TMEM132D: variants seen among roughly 807,000 people sequenced by gnomAD.
TMEM132D encodes the protein mature OL transmembrane protein.
Under a neutral mutation model 62.3 loss-of-function variants are expected in TMEM132D, and 21 were observed. The observed-to-expected ratio is 0.34, with a 90% CI of 0.24 to 0.49. The LOEUF (loss-of-function observed/expected upper bound fraction) is 0.49, where lower values mean the gene tolerates loss of function less well. Ranked by LOEUF, TMEM132D falls within the 20% of genes least tolerant of loss-of-function variation. The pLI, the probability that TMEM132D is intolerant of heterozygous loss-of-function variation, is 0.99. For synonymous variants in TMEM132D, 621 were observed against 575.6 expected (o/e 1.08, Z -1.13); for missense variants, 1,346 against 1,402.8 (o/e 0.96, Z 0.65).
At chr12:129,698,840 A>G (rs1041524616) in intron 2 of TMEM132D, among the ~76,000 whole-genome samples, 5 of 151,972 alleles carry the variant, frequency 3.3e-5, no homozygotes, top group African/African-American at 1.2e-4. Context: ...AAGCTAGAAA[A>G]AGCAGCCATA....
At chr12:129,754,012 A>C (rs2137269596) in intron 1 of TMEM132D, among the ~76,000 whole-genome samples, 1 of 152,312 alleles carries the variant, frequency 6.6e-6, no homozygotes, top group African/African-American at 2.4e-5. Flanking sequence ...TTGGCTTTTG[A>C]GTTTTAAACA....
chr12:129,538,251 A>C (rs1876461111), intron 2 of TMEM132D, among the ~76,000 whole-genome samples: 1 of 152,258 alleles, frequency 6.6e-6, no homozygotes, highest in African/African-American at 2.4e-5. Flanking sequence ...CACCTAAGCT[A>C]TCCATAATTT....
At chr12:129,289,292 C>T (rs1192850064) in intron 4 of TMEM132D, among the ~76,000 whole-genome samples, 2 of 151,966 alleles carry the variant, frequency 1.3e-5, no homozygotes, top group Non-Finnish European at 1.5e-5. Context: ...ACCTGTAATC[C>T]CAGCACTTTG....
At chr12:129,610,911 A>C (rs1301118486) in intron 2 of TMEM132D, among the ~76,000 whole-genome samples, 1 of 152,196 alleles carries the variant, frequency 6.6e-6, no homozygotes, top group African/African-American at 2.4e-5. Context: ...TTCTGATAAC[A>C]GACAGATCAA....
At chr12:129,159,323 C>T (rs979485339) in intron 5 of TMEM132D, among the ~76,000 whole-genome samples, 1 of 152,136 alleles carries the variant, frequency 6.6e-6, no homozygotes, top group Non-Finnish European at 1.5e-5. Context: ...GCTGTGAAAA[C>T]CTGAAACCGG....
In TMEM132D at chr12:129,537,109, G is replaced by A. The variant is rs189259715; in HGVS notation, c.969-5904C>T. ...CGGGAGGCAGAGGTTGCGGTGAGCC[G>A]AGATTGTGCCACTGCACTCCAGCCT... is the stretch of plus-strand genomic sequence containing the variant. On this transcript the variant is annotated intron_variant, in intron 2 of 8. Transcript: ENST00000422113. 8.6e-3 allele frequency among the ~76,000 whole-genome samples: 1,173 copies of A among 136,566 alleles called. 21 individuals are homozygous for A. The highest frequency in any genetic ancestry group is 0.03 in the African/African-American group (1,105 of 36,694). The allele number at this position is 136,566 out of a possible 152,430, so 89.6% of individuals were successfully genotyped here.
chr12:129,303,985 A>T (rs1341762964), intron 4 of TMEM132D, among the ~76,000 whole-genome samples: 3 of 152,164 alleles, frequency 2.0e-5, no homozygotes, highest in Non-Finnish European at 4.4e-5. Flanking sequence ...TGCGCCCTCG[A>T]TGGCTTAGAT....
chr12:129,528,529 T>C (rs755790656), intron 3 of TMEM132D, among the ~76,000 whole-genome samples: 6 of 152,054 alleles, frequency 3.9e-5, no homozygotes, highest in Non-Finnish European at 8.8e-5. Flanking sequence ...TTCTCTCCAG[T>C]AGAAATCGCA....
chr12:129,383,011 G>A (rs982922462), intron 3 of TMEM132D, among the ~76,000 whole-genome samples: 10 of 152,076 alleles, frequency 6.6e-5, no homozygotes, highest in Admixed American at 3.3e-4. Context: ...TCATTGGGTC[G>A]CTAGGCTGCT....
intron 1 of TMEM132D, among the ~76,000 whole-genome samples, chr12:129,759,218 G>C (rs1870269654): frequency 6.6e-6 from 1 of 152,170 alleles, no homozygotes; most frequent in African/African-American, 2.4e-5. Context: ...ATAGGCGTGA[G>C]CCACCACGCC....
At chr12:129,799,897 G>C (rs997355142) in intron 1 of TMEM132D, among the ~76,000 whole-genome samples, 7 of 152,112 alleles carry the variant, frequency 4.6e-5, no homozygotes, top group Non-Finnish European at 1.0e-4. Flanking sequence ...CCTCTTCTCA[G>C]GAGGCTCTCC....
At chr12:129,500,533 AG>A (rs528670530) in intron 3 of TMEM132D, among the ~76,000 whole-genome samples, 481 of 152,230 alleles carry the variant, frequency 3.2e-3, no homozygotes, top group Admixed American at 6.5e-3. Context: ...CTACCACAGC[AG>A]GTAAAACCTG....
intron 1 of TMEM132D, among the ~76,000 whole-genome samples, chr12:129,880,019 T>C (rs1419590814): frequency 6.6e-6 from 1 of 151,924 alleles, no homozygotes; most frequent in Non-Finnish European, 1.5e-5. Context: ...CCCCAGAACC[T>C]CAGAGAATCC....
rs372503465 is a variant in TMEM132D at position 129,328,771 on chromosome 12, C to G, written c.1299+8863G>C. On this transcript the variant is annotated intron_variant, in intron 4 of 8. Transcript: ENST00000422113. ...GATCAACAGCCTACGCTCTGTTTCC[C>G]GTGTGAGAGGGATGGAGTGGACTGG... Among the ~76,000 whole-genome samples the G allele has an allele frequency of 1.5e-4, 23 of 152,090 alleles. 2 individuals carry two copies. The highest frequency in any genetic ancestry group is 9.7e-4 in the East Asian group (5 of 5,180).
chr12:129,206,551 T>C (rs955674618), intron 5 of TMEM132D, among the ~76,000 whole-genome samples: 1 of 152,184 alleles, frequency 6.6e-6, no homozygotes, highest in Non-Finnish European at 1.5e-5. Context: ...TGGTGATTCC[T>C]CAAAGAGCTA....
chr12:129,619,450 T>C (rs914722241), intron 2 of TMEM132D, among the ~76,000 whole-genome samples: 2 of 152,308 alleles, frequency 1.3e-5, no homozygotes, highest in Non-Finnish European at 2.9e-5. Context: ...ACTTATGACC[T>C]AATTAAATAT....
intron 1 of TMEM132D, among the ~76,000 whole-genome samples, chr12:129,702,394 T>C (rs1290223121): frequency 6.6e-6 from 1 of 152,250 alleles, no homozygotes; most frequent in Non-Finnish European, 1.5e-5. Context: ...ATGTTTTAAC[T>C]TTATAGAAAT....
chr12:129,149,619 T>C lies in TMEM132D; in HGVS notation c.1443+59901A>G, dbSNP rs1482252094. On this transcript the variant is annotated intron_variant, in intron 5 of 8. Coordinates refer to ENST00000422113, the MANE Select transcript of TMEM132D (RefSeq NM_133448.3). ...CTGGGGACCGTGTAGATTTGCTGAC[T>C]TTGATAATAAAACAAAAGGGAGAAG... is the stretch of plus-strand genomic sequence containing the variant. Among the ~76,000 whole-genome samples the C allele has an allele frequency of 2.0e-5, 3 of 152,094 alleles. 1 individual carries two copies. In the East Asian group the frequency reaches 5.8e-4, roughly 29 times the overall value.
intron 4 of TMEM132D, among the ~76,000 whole-genome samples, chr12:129,235,684 G>C (rs1391576349): frequency 6.6e-6 from 1 of 152,116 alleles, no homozygotes; most frequent in Non-Finnish European, 1.5e-5. Flanking sequence ...TTTCTGTGCA[G>C]CCATATGTCT....
Sources: allele counts gnomAD v4.1 joint callset (sites outside exome capture counted in the v4.1 genomes callset), GRCh38; gene constraint gnomAD v4.1.1; transcripts MANE v1.5; gene names NCBI Gene and HGNC (gene_info 2026-07-23, HGNC 2026-07-21).